Variants in GPHN observed in about 807,000 individuals in gnomAD.
The protein encoded by GPHN is gephyrin.
GPHN carries 17 observed loss-of-function variants against 95.5 expected under a neutral mutation model. The observed-to-expected ratio is 0.18, with a 90% CI of 0.12 to 0.27. The LOEUF is 0.27. Ranked by LOEUF, GPHN falls within the 10% of genes least tolerant of loss-of-function variation. GPHN has a pLI of 1.00. For missense variants in GPHN, 660 were observed against 978.1 expected (o/e 0.67, Z 4.34); for synonymous variants, 320 against 322.5 (o/e 0.99, Z 0.08).
At chr14:67,647,543 G>A in the GPHN span, 1 of 155,488 alleles carries the variant, frequency 6.4e-6, no homozygotes, top group African/African-American at 2.4e-5. Context: ...TGGACACTGG[G>A]GCTATAATGA....
At chr14:67,710,128 T>C in the GPHN span, among the ~76,000 whole-genome samples, 1 of 152,350 alleles carries the variant, frequency 6.6e-6, no homozygotes, top group African/African-American at 2.4e-5. Context: ...CATATATTGA[T>C]TGATGTCTCA....
At chr14:67,149,042 C>T (rs549008935) in intron 18 of GPHN, among the ~76,000 whole-genome samples, 4 of 152,030 alleles carry the variant, frequency 2.6e-5, no homozygotes, top group African/African-American at 4.8e-5. Context: ...TATAAAACAA[C>T]GCATTGAAAA....
At chr14:67,033,890 T>C (rs1446626227) in intron 10 of GPHN, among the ~76,000 whole-genome samples, 5 of 152,148 alleles carry the variant, frequency 3.3e-5, no homozygotes, top group African/African-American at 7.2e-5. Context: ...GGATAAACCT[T>C]ACAGGTCAGA....
the GPHN span, among the ~76,000 whole-genome samples, chr14:67,291,239 T>A: frequency 1.3e-5 from 2 of 151,902 alleles, no homozygotes; most frequent in Non-Finnish European, 2.9e-5. Context: ...CAGTGCTTTT[T>A]TTTTTTTGAG....
At chr14:66,886,946 C>T (rs369360422) in intron 5 of GPHN, among the ~76,000 whole-genome samples, 10 of 152,208 alleles carry the variant, frequency 6.6e-5, no homozygotes, top group Middle Eastern at 3.4e-3. Context: ...GAAACTCAGT[C>T]GCTACAATTT....
At chr14:67,654,006 T>C in the GPHN span, among the ~76,000 whole-genome samples, 1 of 152,232 alleles carries the variant, frequency 6.6e-6, no homozygotes, top group African/African-American at 2.4e-5. Context: ...TGCTTGCTAC[T>C]AATCTGGACA....
intron 3 of GPHN, among the ~76,000 whole-genome samples, chr14:66,788,796 A>G (rs901091865): frequency 3.3e-5 from 5 of 152,100 alleles, no homozygotes; most frequent in Non-Finnish European, 4.4e-5. Context: ...AGCTGGAATT[A>G]CAGGCGCCCG....
intron 1 of GPHN, among the ~76,000 whole-genome samples, chr14:66,616,092 A>G (rs1216712309): frequency 6.6e-6 from 1 of 151,678 alleles, no homozygotes; most frequent in Non-Finnish European, 1.5e-5. Flanking sequence ...TGGTACCAGT[A>G]CCATGCTGTT....
At chr14:67,000,385 G>A (rs967433071) in intron 9 of GPHN, among the ~76,000 whole-genome samples, 1 of 151,520 alleles carries the variant, frequency 6.6e-6, no homozygotes, top group Non-Finnish European at 1.5e-5. Context: ...AAACACCACA[G>A]AACCACAAAC....
chr14:67,599,118 C>CA, the GPHN span, among the ~76,000 whole-genome samples: 5 of 152,056 alleles, frequency 3.3e-5, no homozygotes, highest in East Asian at 7.7e-4. Context: ...GCTTTGACAG[C>CA]AAAAAAGCGA....
intron 9 of GPHN, among the ~76,000 whole-genome samples, 171 bp from the exon 10 acceptor site, chr14:67,023,462 T>C (rs889330700): frequency 6.6e-6 from 1 of 152,060 alleles, no homozygotes; most frequent in African/African-American, 2.4e-5. Flanking sequence ...AAGGAAAAGA[T>C]AAAGAAAAAA....
the GPHN span, among the ~76,000 whole-genome samples, chr14:67,398,827 C>T: frequency 1.1e-4 from 17 of 152,188 alleles, no homozygotes; most frequent in Admixed American, 6.5e-5. Flanking sequence ...TCCCAAAGTG[C>T]TAGGATTACA....
At chr14:67,106,264 G>C (rs1485649533) in intron 13 of GPHN, among the ~76,000 whole-genome samples, 1 of 152,132 alleles carries the variant, frequency 6.6e-6, no homozygotes, top group Non-Finnish European at 1.5e-5. Flanking sequence ...GAAATCTACT[G>C]TTAGTCTAAT....
rs113791965 is a variant in GPHN at position 66,581,258 on chromosome 14, A to G, written c.64+72667A>G. 3.6e-3 allele frequency among the ~76,000 whole-genome samples: 551 copies of G among 151,918 alleles called. 12 individuals carry two copies. Among genetic ancestry groups the G allele is most frequent in the African/African-American group, 0.013 (525 of 41,500 alleles). On this transcript the variant is annotated intron_variant, in intron 1 of 22. Coordinates refer to ENST00000478722, the MANE Select transcript of GPHN (RefSeq NM_020806.5). The stretch of plus-strand genomic sequence containing the variant: ...AAAAAAAAAAGATGTAAATTACTAC[A>G]TGAAATCATAAAATATTATTGGGTG...
rs375984296 is a variant in GPHN at position 66,588,834 on chromosome 14, C to G, written c.64+80243C>G. ...TCAGGATATTATCCAGGAGAACTTT[C>G]CCAACCTAGCAAGACAGGCCAACAT... On this transcript the variant is annotated intron_variant, in intron 1 of 22. Transcript: ENST00000478722. Among the ~76,000 whole-genome samples the G allele has an allele frequency of 1.4e-4, 21 of 152,196 alleles. No homozygotes were observed. The East Asian group carries it at 3.3e-3, about 24-fold the overall frequency.
the GPHN span, among the ~76,000 whole-genome samples, chr14:67,214,210 T>C: frequency 6.6e-6 from 1 of 152,236 alleles, no homozygotes; most frequent in African/African-American, 2.4e-5. Context: ...TTGCCATTGC[T>C]TTTGGTGTTT....
intron 10 of GPHN, among the ~76,000 whole-genome samples, chr14:67,057,105 G>A (rs963952192): frequency 5.3e-5 from 8 of 152,042 alleles, no homozygotes; most frequent in African/African-American, 7.2e-5. Context: ...CTCTGGCCTC[G>A]GCCAGCCCAG....
At chr14:67,137,896 G>A (rs1299657180) in intron 17 of GPHN, among the ~76,000 whole-genome samples, 3 of 152,322 alleles carry the variant, frequency 2.0e-5, no homozygotes, top group Non-Finnish European at 4.4e-5. Flanking sequence ...GCCACTCTTT[G>A]TGAAAAGGGA....
At chr14:67,191,940 A>T in the GPHN span, among the ~76,000 whole-genome samples, 1 of 152,240 alleles carries the variant, frequency 6.6e-6, no homozygotes, top group Non-Finnish European at 1.5e-5. Flanking sequence ...TGTCTGCTGA[A>T]TGAATCACCA....
Sources: gnomAD v4.1 joint callset for allele counts (sites outside exome capture counted in the v4.1 genomes callset) on GRCh38, gnomAD v4.1.1 for gene constraint, MANE v1.5 for transcripts, NCBI Gene and HGNC (gene_info 2026-07-23, HGNC 2026-07-21) for gene names.